The following MEIS3 variants were observed in gnomAD, a reference collection of about 807,000 sequenced individuals.
MEIS3 encodes the protein homeobox protein Meis3.
In MEIS3, 38 loss-of-function variants were observed where a neutral mutation model predicts 51.4. That is an observed-to-expected ratio of 0.74 (90% CI 0.57 to 0.97). The LOEUF (loss-of-function observed/expected upper bound fraction) is 0.97, where lower values mean the gene tolerates loss of function less well. Ranked by LOEUF, MEIS3 falls within the 50% of genes least tolerant of loss-of-function variation. The pLI is 0.00. For missense variants in MEIS3, 456 were observed against 502.6 expected (o/e 0.91, Z 0.89); for synonymous variants, 198 against 201.8 (o/e 0.98, Z 0.16).
At chr19:47,420,940 A>ACTCTCTCTCTCTCT (rs71180840), upstream of MEIS3, among the ~76,000 whole-genome samples, 10 of 91,000 alleles carry the variant, frequency 1.1e-4, no homozygotes, top group African/African-American at 4.6e-4. Context: ...ACACACACAC[A>ACTCTCTCTCTCTCT]CTCTCTCTCT....
intron 8 of MEIS3, 38 bp downstream of exon 8, chr19:47,409,061 T>C: frequency 1.2e-6 from 2 of 1,602,210 alleles, no homozygotes; most frequent in South Asian, 2.2e-5. Context: ...TCTCCCTCTC[T>C]CCATTCCCAC....
chr19:47,407,085 G>A lies in MEIS3; in HGVS notation c.988C>T (p.Arg330Cys). The change falls in exon 10 of 13, where the codon CGC becomes TGC. Residue 330 changes from arginine to cysteine, a missense_variant. Physicochemically the swap from Arg to Cys is radical, Grantham distance 180. Transcript: ENST00000558555. ...CCCCGCCTTCCCCCTGTACCTGTGC[G>A]GTTGGATTGATCGATCATAGGTTGC... ...IVQPMIDQSN[R>C]TGQGAAFSPE... The A allele has an allele frequency of 2.5e-6, 4 of 1,611,158 alleles. No homozygotes were observed. The highest frequency in any genetic ancestry group is 3.4e-6 in the Non-Finnish European group (4 of 1,178,990).
intron 1 of MEIS3, chr19:47,417,968 A>C (rs184208697): frequency 6.1e-6 from 3 of 491,958 alleles, no homozygotes; most frequent in African/African-American, 5.8e-5. Context: ...AACACCAGGC[A>C]CAAGAATGAA....
chr19:47,413,842 C>T (rs950456264), intron 6 of MEIS3, among the ~76,000 whole-genome samples: 1 of 151,880 alleles, frequency 6.6e-6, no homozygotes. Flanking sequence ...ATTCTCCTGC[C>T]TCAGCCTCCT....
Position 47,406,458 on chromosome 19 carries a change from A to C in MEIS3, c.*17+2T>G, listed in dbSNP as rs1599798152. 2 of 1,612,410 alleles carry C rather than the reference A, an allele frequency of 1.2e-6. No homozygotes were observed. Among genetic ancestry groups the C allele is most frequent in the East Asian group, 2.2e-5 (1 of 44,852 alleles). On this transcript the variant is annotated splice_donor_variant, in intron 12 of 12. Transcript: ENST00000558555. LOFTEE classifies it low-confidence loss of function (3UTR_SPLICE). The stretch of plus-strand genomic sequence containing the variant: ...CAATCCCCAGCCCTTAGACCCTCAC[A>C]CCTCTCCTGCATCAGCCTCTATAGA...
intron 1 of MEIS3, 92 bp downstream of exon 1, chr19:47,418,977 TG>T: frequency 1.6e-6 from 1 of 643,072 alleles, no homozygotes; most frequent in East Asian, 6.0e-5. Context: ...AGAGGACGGA[TG>T]GGCTAATGGG....
At chr19:47,421,021 G>A (rs73065366), upstream of MEIS3, among the ~76,000 whole-genome samples, 2,317 of 150,220 alleles carry the variant, frequency 0.015, 38 homozygotes, top group South Asian at 0.033. Context: ...CTGTTCCCAG[G>A]GGGAGGGAGC....
At chr19:47,406,323 C>T in intron 12 of MEIS3, 137 bp downstream of exon 12, 2 of 608,768 alleles carry the variant, frequency 3.3e-6, no homozygotes, top group Non-Finnish European at 5.9e-6. Context: ...GGATGAATAT[C>T]TTCCCATCAA....
upstream of MEIS3, among the ~76,000 whole-genome samples, chr19:47,420,332 G>A (rs933177740): frequency 6.6e-6 from 1 of 152,088 alleles, no homozygotes; most frequent in Non-Finnish European, 1.5e-5. Flanking sequence ...TTGCTTTTTT[G>A]GGGGGTGGTG....
intron 6 of MEIS3, among the ~76,000 whole-genome samples, chr19:47,411,852 T>G (rs1307690044): frequency 6.6e-6 from 1 of 151,924 alleles, no homozygotes; most frequent in Non-Finnish European, 1.5e-5. Context: ...ATCTTTTTTT[T>G]TTCTTTGAAG....
Position 47,406,462 on chromosome 19 carries a change from C to G in MEIS3, c.*15G>C. The G allele has an allele frequency of 6.2e-7, 1 of 1,613,160 alleles. No homozygotes were observed. ...CCCCAGCCCTTAGACCCTCACACCT[C>G]TCCTGCATCAGCCTCTATAGATAAT... On this transcript the variant is annotated splice_region_variant and 3_prime_UTR_variant, in exon 12 of 13. Transcript: ENST00000558555.
upstream of MEIS3, among the ~76,000 whole-genome samples, chr19:47,420,975 T>TCTCTCTCTCTCTCTCTCTCTCTCTCTC (rs1568434395): frequency 2.5e-5 from 2 of 79,112 alleles, no homozygotes; most frequent in African/African-American, 1.1e-4. Context: ...CTCTCTCTCT[T>TCTCTCTCTCTCTCTCTCTCTCTCTCTC]CCTGGCTGTC....
Position 47,417,246 on chromosome 19 carries a change from C to T in MEIS3, c.117G>A (p.Arg39=). ...AGCCTGGGGGCAGGGGCTGGGGAGG[C>T]CGGTGCGGGCCATAGGGCCCTGGTA... ...PAVPGPYGPH[R]PPQPLPPGLD... is the part of the protein sequence containing the mutation. The change falls in exon 2 of 13, where the codon CGG becomes CGA. Residue 39 remains arginine, a synonymous_variant. Coordinates refer to ENST00000558555, the MANE Select transcript of MEIS3 (RefSeq NM_001301059.2). 6.2e-7 allele frequency: 1 copy of T among 1,605,734 alleles called. No homozygotes were observed. Among genetic ancestry groups the T allele is most frequent in the Non-Finnish European group, 8.5e-7 (1 of 1,176,096 alleles).
In MEIS3 at chr19:47,416,589, G is replaced by T. The variant is rs1316770605; in HGVS notation, c.396+63C>A. ...CTGCACCCCCCCCACCAACCCCAGG[G>T]ATGGGGCGTCAGGGAAGGAGACCCA... On this transcript the variant is annotated intron_variant, in intron 4 of 12. Transcript: ENST00000558555. 2.8e-5 allele frequency: 37 copies of T among 1,341,170 alleles called. No individual in the cohort carries two copies. In the East Asian group the frequency reaches 9.5e-4, roughly 34 times the overall value. 83.1% of individuals were successfully genotyped at this position (1,341,170 alleles called of 1,614,324 possible). A position where few individuals can be genotyped will look rare whatever the true frequency, so the allele number is the denominator to read the frequency against.
At chr19:47,411,637 T>G (rs1362419223) in intron 6 of MEIS3, among the ~76,000 whole-genome samples, 1 of 150,942 alleles carries the variant, frequency 6.6e-6, no homozygotes, top group Non-Finnish European at 1.5e-5. Flanking sequence ...ACCTCCTGGG[T>G]TCAGGCGATT....
intron 12 of MEIS3, among the ~76,000 whole-genome samples, chr19:47,403,807 A>G (rs1970697026): frequency 6.6e-6 from 1 of 152,134 alleles, no homozygotes; most frequent in South Asian, 2.1e-4. Context: ...GGAGAGAGAC[A>G]GGCAGAGTAG....
chr19:47,403,897 G>C (rs926713756), intron 12 of MEIS3, among the ~76,000 whole-genome samples: 18 of 151,948 alleles, frequency 1.2e-4, no homozygotes, highest in Admixed American at 9.8e-4. Context: ...AGACGAAATG[G>C]AGAGAGAGAA....
intron 6 of MEIS3, among the ~76,000 whole-genome samples, chr19:47,410,839 T>A (rs1221283832): frequency 6.6e-6 from 1 of 152,254 alleles, no homozygotes; most frequent in Non-Finnish European, 1.5e-5. Context: ...GATGAGTTTG[T>A]CTACACAGGG....
At chr19:47,417,088 A>T in intron 2 of MEIS3, 90 bp downstream of exon 2, 1 of 1,539,650 alleles carries the variant, frequency 6.5e-7, no homozygotes, top group Non-Finnish European at 8.7e-7. Flanking sequence ...AGAGACTCGT[A>T]CACAGAGAGA....
Sources: gnomAD v4.1 joint callset for allele counts (sites outside exome capture counted in the v4.1 genomes callset) on GRCh38, gnomAD v4.1.1 for gene constraint, MANE v1.5 for transcripts, NCBI Gene and HGNC (gene_info 2026-07-23, HGNC 2026-07-21) for gene names.